TOPBP1: variants seen among roughly 807,000 people sequenced by gnomAD.
TOPBP1 encodes the protein DNA topoisomerase II binding protein 1, also known as DNA topoisomerase 2-binding protein 1.
TOPBP1 carries 28 observed loss-of-function variants against 167.7 expected under a neutral mutation model. The observed-to-expected ratio is 0.17, with a 90% CI of 0.12 to 0.23. The LOEUF (loss-of-function observed/expected upper bound fraction) is 0.23, where lower values mean the gene tolerates loss of function less well. Ranked by LOEUF, TOPBP1 falls within the 10% of genes least tolerant of loss-of-function variation. The pLI is 1.00. For synonymous variants in TOPBP1, 598 were observed against 611.4 expected (o/e 0.98, Z 0.32); for missense variants, 1,554 against 1,809.6 (o/e 0.86, Z 2.56).
chr3:133,608,367 T>C (rs1934557972), intron 27 of TOPBP1, among the ~76,000 whole-genome samples, 168 bp downstream of exon 27: 1 of 152,182 alleles, frequency 6.6e-6, no homozygotes, highest in African/African-American at 2.4e-5. Flanking sequence ...ATGTTCATTA[T>C]AATAAAAAAC....
At chr3:133,642,901 C>A (rs1055392637) in intron 12 of TOPBP1, among the ~76,000 whole-genome samples, 1 of 152,112 alleles carries the variant, frequency 6.6e-6, no homozygotes, top group Non-Finnish European at 1.5e-5. Flanking sequence ...TCAAAGATGA[C>A]CAATTACCTT....
chr3:133,653,435 C>T lies in TOPBP1; in HGVS notation c.832G>A (p.Asp278Asn), dbSNP rs1254155571. The change falls in exon 7 of 28, where the codon GAT becomes AAT. Residue 278 changes from aspartate (D) to asparagine (N), a missense_variant. Physicochemically the swap from Asp to Asn is conservative, Grantham distance 23. Transcript: ENST00000260810. Reference sequence around the variant, plus strand: ...GGTTCTGTCTTGTATATGGATTCATCCTGACAAAAACCTTTCTCAATACTG... The same window carrying T: ...GGTTCTGTCTTGTATATGGATTCATTCTGACAAAAACCTTTCTCAATACTG... ...FDSIEKGFCQ[D>N]ESIYKTEPRP... 6.2e-7 allele frequency: 1 copy of T among 1,612,994 alleles called. No individual in the cohort carries two copies. The highest frequency in any genetic ancestry group is 1.7e-4 in the Middle Eastern group (1 of 6,056).
rs1485803781 is a variant in TOPBP1, at chr3:133,608,924, A to C, written c.4212T>G (p.Asp1404Glu). The C allele has an allele frequency of 5.6e-6, 9 of 1,613,450 alleles. No homozygotes were observed. The highest frequency in any genetic ancestry group is 7.6e-6 in the Non-Finnish European group (9 of 1,179,676). ...FSGWKVILHV[D>E]QSREAGFKRL... ...GTTTGAAGCCTGCTTCTCGAGACTG[A>C]TCCACATGTAAAATAACCTTCCACC... Residue 1404 changes from aspartate (D) to glutamate (E), a missense_variant, in exon 26 of 28, where the codon GAT becomes GAG. Coordinates refer to ENST00000260810, the MANE Select transcript of TOPBP1 (RefSeq NM_007027.4).
At chr3:133,601,525 T>C in intron 27 of TOPBP1, 132 bp from the exon 28 acceptor site, 1 of 695,606 alleles carries the variant, frequency 1.4e-6, no homozygotes, top group Non-Finnish European at 2.2e-6. Context: ...CGCATATTCA[T>C]TCCTAGGTTC....
At position 133,638,104 on chromosome 3, in the gene TOPBP1, C is replaced by G; in HGVS notation, c.2292G>C (p.Glu764Asp). 9 of 1,613,980 alleles carry G rather than the reference C, an allele frequency of 5.6e-6. No homozygotes were observed. The highest frequency in any genetic ancestry group is 6.8e-6 in the Non-Finnish European group (8 of 1,179,868). ...NGINLNSDTA[E>D]HPGTRLQTHR... ...GAGTTTGCAGGCGTGTGCCAGGATG[C>G]TCTGCAGTATCTGAATTTAGATTGA... Residue 764 changes from glutamate (E) to aspartate (D), a missense_variant, in exon 14 of 28, where the codon GAG becomes GAC. Glu to Asp is a conservative substitution (Grantham distance 45). This residue lies in a region of TOPBP1 where 1,197 missense variants were observed against 1,351.5 expected (regional missense o/e 0.89). Coordinates refer to ENST00000260810, the MANE Select transcript of TOPBP1 (RefSeq NM_007027.4).
chr3:133,602,892 A>ATTTTTTTT (rs11458236), intron 27 of TOPBP1, among the ~76,000 whole-genome samples: 1 of 121,470 alleles, frequency 8.2e-6, no homozygotes. Context: ...ACCTTTTTTC[A>ATTTTTTTT]TTTTTTTTTT....
Position 133,661,805 on chromosome 3 carries a change from G to C in TOPBP1, c.-44C>G, listed in dbSNP as rs1936730593. ...CTCGGGGTCTCCGGGCGGCGAGTCG[G>C]GGGACGCGCTGGCCGCAGGGCGGTG... On this transcript the variant is annotated 5_prime_UTR_variant, in exon 1 of 28. Coordinates refer to ENST00000260810, the MANE Select transcript of TOPBP1 (RefSeq NM_007027.4). The C allele has an allele frequency of 6.6e-6, 1 of 152,590 alleles. No individual in the cohort carries two copies. Among genetic ancestry groups the C allele is most frequent in the African/African-American group, 2.4e-5 (1 of 41,444 alleles). 9.5% of individuals were successfully genotyped at this position (152,590 alleles called of 1,614,324 possible). A position where few individuals can be genotyped will look rare whatever the true frequency, so the allele number is the denominator to read the frequency against.
chr3:133,652,686 T>C lies in TOPBP1; in HGVS notation c.923-57A>G, dbSNP rs575672612. 1.1e-3 allele frequency: 1,606 copies of C among 1,398,184 alleles called. 4 individuals are homozygous for C. Among genetic ancestry groups the C allele is most frequent in the Non-Finnish European group, 1.5e-3 (1,517 of 1,022,008 alleles). 86.6% of individuals were successfully genotyped at this position (1,398,184 alleles called of 1,614,324 possible). On this transcript the variant is annotated intron_variant, in intron 7 of 27. Coordinates refer to ENST00000260810, the MANE Select transcript of TOPBP1 (RefSeq NM_007027.4). Reference sequence around the variant, plus strand: ...GAGATAAAATAATCATGATTACATATTGTCTATGGATTAACTTTTCTTACA... The same window carrying C: ...GAGATAAAATAATCATGATTACATACTGTCTATGGATTAACTTTTCTTACA...
At chr3:133,650,398 G>A (rs1043886238) in intron 8 of TOPBP1, among the ~76,000 whole-genome samples, 21 of 151,570 alleles carry the variant, frequency 1.4e-4, no homozygotes, top group African/African-American at 5.1e-4. Context: ...TTTTCCAGCT[G>A]CCTATGATTA....
intron 16 of TOPBP1, among the ~76,000 whole-genome samples, chr3:133,625,739 AAAAAGAATTAAG>A (rs941596171): frequency 6.6e-6 from 1 of 152,128 alleles, no homozygotes; most frequent in Non-Finnish European, 1.5e-5. Flanking sequence ...CTCAAAAAAA[AAAAAGAATTAAG>A]AAAAAGAAGT....
Position 133,601,131 on chromosome 3 carries a change from T to C in TOPBP1, c.*119A>G. On this transcript the variant is annotated 3_prime_UTR_variant, in exon 28 of 28. Coordinates refer to ENST00000260810, the MANE Select transcript of TOPBP1 (RefSeq NM_007027.4). Reference sequence around the variant, plus strand: ...AACTCAAGAAGGGTCATCATTATACTCTGAAGCAGAATTCTTCAGGTACTC... The same window carrying C: ...AACTCAAGAAGGGTCATCATTATACCCTGAAGCAGAATTCTTCAGGTACTC... 1.2e-6 allele frequency: 1 copy of C among 818,488 alleles called. No homozygotes were observed. 50.7% of individuals were successfully genotyped at this position (818,488 alleles called of 1,614,324 possible). A position where few individuals can be genotyped will look rare whatever the true frequency, so the allele number is the denominator to read the frequency against.
intron 27 of TOPBP1, among the ~76,000 whole-genome samples, chr3:133,603,477 A>G (rs1370111621): frequency 6.6e-6 from 1 of 152,224 alleles, no homozygotes; most frequent in Admixed American, 6.5e-5. Context: ...CAAGAAAGCC[A>G]TTTTAAATAT....
intron 9 of TOPBP1, 38 bp downstream of exon 9, chr3:133,649,742 T>C (rs543256538): frequency 4.4e-6 from 7 of 1,583,574 alleles, no homozygotes; most frequent in Middle Eastern, 1.7e-4. Context: ...AGAAAAATTA[T>C]GTAGTAGAAA....
intron 7 of TOPBP1, 64 bp from the exon 8 acceptor site, chr3:133,652,693 T>A: frequency 1.5e-6 from 2 of 1,352,036 alleles, no homozygotes; most frequent in South Asian, 1.4e-5. Flanking sequence ...ATATTGTCTA[T>A]GGATTAACTT....
chr3:133,639,518 A>G lies in TOPBP1; in HGVS notation c.2233+441T>C, dbSNP rs371203837. ...ATGTAAATGACGAATTAATGGGTGC[A>G]GCAAACCAACATGACACATGTATAC... is the stretch of plus-strand genomic sequence containing the variant. On this transcript the variant is annotated intron_variant, in intron 13 of 27. Transcript: ENST00000260810. 5.4e-4 allele frequency among the ~76,000 whole-genome samples: 82 copies of G among 152,334 alleles called. 1 individual carries two copies. The highest frequency in any genetic ancestry group is 3.4e-3 in the Middle Eastern group (1 of 294).
chr3:133,644,082 C>G lies in TOPBP1; in HGVS notation c.1786G>C (p.Val596Leu), dbSNP rs761977670. ...LSRTVADYAV[V>L]PLLGCEVEAT... ...TCCACTTCACACCCCAGCAGAGGAA[C>G]CACAGCATAATCCGCAACAGTTCTG... Residue 596 changes from valine (V) to leucine (L), a missense_variant, in exon 11 of 28, where the codon GTT becomes CTT. Physicochemically the swap from Val to Leu is conservative, Grantham distance 32. Around this residue, in one of 3 missense-constraint regions of TOPBP1, gnomAD observed 1,197 missense variants for 1,351.5 expected, o/e 0.89. Transcript: ENST00000260810. 1 of 1,613,774 alleles carries G rather than the reference C, an allele frequency of 6.2e-7. No homozygotes were observed. Among genetic ancestry groups the G allele is most frequent in the South Asian group, 1.1e-5 (1 of 91,022 alleles).
In TOPBP1 at chr3:133,644,052, T is replaced by G; in HGVS notation, c.1816A>C (p.Thr606Pro). 6.2e-7 allele frequency: 1 copy of G among 1,607,930 alleles called. No homozygotes were observed. The highest frequency in any genetic ancestry group is 8.5e-7 in the Non-Finnish European group (1 of 1,177,558). ...VPLLGCEVEA[T>P]VGEVVTNTWL... ...GTATTTGTAACAACTTCTCCCACAGTGGCTTCCACTTCACACCCCAGCAGA... is the reference window on the plus strand; with the variant it reads ...GTATTTGTAACAACTTCTCCCACAGGGGCTTCCACTTCACACCCCAGCAGA... The change falls in exon 11 of 28, where the codon ACT becomes CCT. Residue 606 changes from threonine to proline, a missense_variant. Thr to Pro is a conservative substitution (Grantham distance 38). Around this residue, in one of 3 missense-constraint regions of TOPBP1, gnomAD observed 1,197 missense variants for 1,351.5 expected, o/e 0.89. Transcript: ENST00000260810.
At chr3:133,651,016 G>C (rs1400995725) in intron 8 of TOPBP1, among the ~76,000 whole-genome samples, 1 of 151,690 alleles carries the variant, frequency 6.6e-6, no homozygotes, top group Non-Finnish European at 1.5e-5. Context: ...AGAATCGCTT[G>C]AACCTAAGAG....
chr3:133,653,921 C>T (rs990689028), intron 6 of TOPBP1, among the ~76,000 whole-genome samples: 6 of 152,158 alleles, frequency 3.9e-5, no homozygotes, highest in Admixed American at 6.5e-5. Context: ...CGTGAGCAAC[C>T]GCGCCCGGCT....
Sources: gnomAD v4.1 joint callset for allele counts (sites outside exome capture counted in the v4.1 genomes callset) on GRCh38, gnomAD v4.1.1 for gene constraint, gnomAD v4.1.1 regional missense constraint, MANE v1.5 for transcripts, NCBI Gene and HGNC (gene_info 2026-07-23, HGNC 2026-07-21) for gene names.